The following KCNE3 variants were observed in gnomAD, a reference collection of about 807,000 sequenced individuals.
KCNE3 encodes potassium voltage-gated channel subfamily E regulatory subunit 3, also known as potassium voltage-gated channel subfamily E member 3.
A neutral mutation model predicts 4.3 loss-of-function variants in KCNE3; 2 were observed. That is an observed-to-expected ratio of 0.47 (90% CI 0.19 to 1.48). KCNE3 has a LOEUF of 1.48. KCNE3 is among the 40% of genes most tolerant of loss of function. KCNE3 has a pLI of 0.25. For synonymous variants in KCNE3, 47 were observed against 52.0 expected, an observed-to-expected ratio of 0.90 and a Z score of 0.41; for missense variants, 128 against 136.8, an observed-to-expected ratio of 0.94 and a Z score of 0.32.
At chr11:74,466,907 C>T (rs995338534) in intron 1 of KCNE3, among the ~76,000 whole-genome samples, 9 of 152,156 alleles carry the variant, frequency 5.9e-5, no homozygotes, top group Admixed American at 2.6e-4. Context: ...TTGGGAGTCA[C>T]CAGGTTTCCC....
intron 2 of KCNE3, among the ~76,000 whole-genome samples, chr11:74,461,292 TTGTGTGTGTGTGTGTGTG>T (rs4018948): frequency 2.0e-5 from 3 of 148,376 alleles, no homozygotes; most frequent in Non-Finnish European, 4.5e-5. Context: ...TTTTTATGTT[TTGTGTGTGTGTGTGTGTG>T]TGTGTGTGTG....
rs1863836024 is a variant in KCNE3 at position 74,457,160 on chromosome 11, A to G, written c.*92T>C. On this transcript the variant is annotated 3_prime_UTR_variant, in exon 3 of 3. Transcript: ENST00000310128. The stretch of plus-strand genomic sequence containing the variant: ...TCTTGTTGATCTTACAGATAGGGAC[A>G]CTGAGACCTGATGCAGTCCACAGCA... 2 of 1,219,410 alleles carry G rather than the reference A, an allele frequency of 1.6e-6. No homozygotes were observed. Among genetic ancestry groups the G allele is most frequent in the Non-Finnish European group, 2.4e-6 (2 of 843,132 alleles). 75.5% of individuals were successfully genotyped at this position (1,219,410 alleles called of 1,614,324 possible).
Position 74,457,432 on chromosome 11 carries a change from T to G in KCNE3, c.132A>C (p.Glu44Asp). ...GPGLGPDNQT[E>D]ERRASLPGRD... ...GGCCAGGTAGGCTGGCCCGCCTCTC[T>G]TCAGTCTGGTTGTCTGGCCCCAGCC... The change falls in exon 3 of 3, where the codon GAA (glutamate) becomes GAC (aspartate). Residue 44 changes from glutamate to aspartate, a missense_variant. Glu to Asp is a conservative substitution (Grantham distance 45). Coordinates refer to ENST00000310128, the MANE Select transcript of KCNE3 (RefSeq NM_005472.5). 1 of 1,613,948 alleles carries G rather than the reference T, an allele frequency of 6.2e-7. No individual in the cohort carries two copies. The highest frequency in any genetic ancestry group is 8.5e-7 in the Non-Finnish European group (1 of 1,179,814).
chr11:74,465,660 A>C (rs1443853685), intron 1 of KCNE3, among the ~76,000 whole-genome samples: 2 of 152,024 alleles, frequency 1.3e-5, no homozygotes, highest in Non-Finnish European at 2.9e-5. Context: ...TGTTCCTTTC[A>C]TGATTCTAAT....
rs1863802115 is a variant in KCNE3 at position 74,456,011 on chromosome 11, C to T, written c.*1241G>A. On this transcript the variant is annotated 3_prime_UTR_variant, in exon 3 of 3. Coordinates refer to ENST00000310128, the MANE Select transcript of KCNE3 (RefSeq NM_005472.5). The stretch of plus-strand genomic sequence containing the variant: ...ATCAGTCTTTTAGAAGCAGATTCAA[C>T]ATGACATCAGAAAACTTCTCTCAGA... 1 of 150,896 alleles carries T rather than the reference C, an allele frequency of 6.6e-6. No individual in the cohort carries two copies. The highest frequency in any genetic ancestry group is 1.5e-5 in the Non-Finnish European group (1 of 67,742). The allele number at this position is 150,896 out of a possible 1,614,324, so 9.3% of individuals were successfully genotyped here. A position where few individuals can be genotyped will look rare whatever the true frequency, so the allele number is the denominator to read the frequency against.
intron 1 of KCNE3, chr11:74,464,455 G>A (rs1218308942): frequency 6.6e-6 from 1 of 152,338 alleles, no homozygotes; most frequent in African/African-American, 2.4e-5. Flanking sequence ...GTGGATTGGA[G>A]AGCTGGTGGA....
Position 74,455,060 on chromosome 11 carries a change from T to G in KCNE3, c.*2192A>C, listed in dbSNP as rs1863778759. On this transcript the variant is annotated 3_prime_UTR_variant, in exon 3 of 3. Coordinates refer to ENST00000310128, the MANE Select transcript of KCNE3 (RefSeq NM_005472.5). The stretch of plus-strand genomic sequence containing the variant: ...ATATGGCAGCAAATGTGTTCCATGA[T>G]CCTCCATTCAAGAACCCAAAGGCTT... 6.6e-6 allele frequency: 1 copy of G among 152,216 alleles called. No individual in the cohort carries two copies. Among genetic ancestry groups the G allele is most frequent in the African/African-American group, 2.4e-5 (1 of 41,452 alleles). The allele number at this position is 152,216 out of a possible 1,614,324, so 9.4% of individuals were successfully genotyped here.
At chr11:74,463,539 CT>C (rs1222271616) in intron 1 of KCNE3, among the ~76,000 whole-genome samples, 1 of 152,098 alleles carries the variant, frequency 6.6e-6, no homozygotes, top group African/African-American at 2.4e-5. Flanking sequence ...AGGAGAGTCC[CT>C]GATTACTGAG....
chr11:74,460,634 G>C (rs911069372), intron 2 of KCNE3, among the ~76,000 whole-genome samples: 2 of 152,204 alleles, frequency 1.3e-5, no homozygotes, highest in African/African-American at 2.4e-5. Context: ...AGAATGGAAA[G>C]TAGCATAAAG....
At chr11:74,458,258 CCTTT>C (rs1863868884) in intron 2 of KCNE3, among the ~76,000 whole-genome samples, 1 of 152,198 alleles carries the variant, frequency 6.6e-6, no homozygotes, top group Non-Finnish European at 1.5e-5. Flanking sequence ...ATTAATCTCT[CCTTT>C]CTTTGGTTTC....
In KCNE3 at chr11:74,456,179, T is replaced by TATATATATATATATAA. The variant is rs1340077987; in HGVS notation, c.*1072_*1073insTTATATATATATATAT. 9 of 124,508 alleles carry TATATATATATATATAA rather than the reference T, an allele frequency of 7.2e-5. No individual in the cohort carries two copies. In the East Asian group the frequency reaches 2.6e-3, roughly 36 times the overall value. The allele number at this position is 124,508 out of a possible 1,614,324, so 7.7% of individuals were successfully genotyped here. On this transcript the variant is annotated 3_prime_UTR_variant, in exon 3 of 3. Transcript: ENST00000310128. ...AAATATATATATATATATATATATA[T>TATATATATATATATAA]AAATTAACTGGGTGTGGTGACAGGA...
Position 74,467,183 on chromosome 11 carries a change from C to T in KCNE3, c.-190+215G>A, listed in dbSNP as rs1342946656. Among the ~76,000 whole-genome samples the T allele has an allele frequency of 6.6e-6, 1 of 152,158 alleles. No individual in the cohort carries two copies. Among genetic ancestry groups the T allele is most frequent in the Non-Finnish European group, 1.5e-5 (1 of 68,030 alleles). On this transcript the variant is annotated intron_variant, in intron 1 of 2. Coordinates refer to ENST00000310128, the MANE Select transcript of KCNE3 (RefSeq NM_005472.5). This position sits in a 1 kb window ranked among gnomAD's most constrained non-coding sequence, Gnocchi z 4.4. ...GGGGCGCGCAGAGCCCAGCTCCCTA[C>T]TCCCACATGCTGCTCCACGATCACT...
rs190033907 is a variant in KCNE3 at position 74,457,692 on chromosome 11, C to T, written c.-40-89G>A. ...CTTCAGATCCCAGGTAAAATCTTAGCATCATGGCTGATATGGTTTGGCTGT... is the reference window on the plus strand; with the variant it reads ...CTTCAGATCCCAGGTAAAATCTTAGTATCATGGCTGATATGGTTTGGCTGT... On this transcript the variant is annotated intron_variant, in intron 2 of 2. Coordinates refer to ENST00000310128, the MANE Select transcript of KCNE3 (RefSeq NM_005472.5). 97 of 846,550 alleles carry T rather than the reference C, an allele frequency of 1.1e-4. 1 individual carries two copies. The Middle Eastern group carries it at 2.3e-3, about 20-fold the overall frequency. 52.4% of individuals were successfully genotyped at this position (846,550 alleles called of 1,614,324 possible).
chr11:74,457,321 G>A lies in KCNE3; in HGVS notation c.243C>T (p.Arg81=). 3 of 1,614,232 alleles carry A rather than the reference G, an allele frequency of 1.9e-6. No individual in the cohort carries two copies. Among genetic ancestry groups the A allele is most frequent in the Non-Finnish European group, 2.5e-6 (3 of 1,180,034 alleles). ...TVGSLILGYT[R]SRKVDKRSDP... ...CACTACGCTTGTCCACTTTGCGGGA[G>A]CGGGTGTATCCCAGGATGAGGCTGC... The change falls in exon 3 of 3, where the codon CGC becomes CGT. Residue 81 remains arginine (R), a synonymous_variant. Coordinates refer to ENST00000310128, the MANE Select transcript of KCNE3 (RefSeq NM_005472.5).
In KCNE3 at chr11:74,456,019, C is replaced by A. The variant is rs1275034339; in HGVS notation, c.*1233G>T. ...TTTAGAAGCAGATTCAACATGACAT[C>A]AGAAAACTTCTCTCAGATAGTCGTG... On this transcript the variant is annotated 3_prime_UTR_variant, in exon 3 of 3. Coordinates refer to ENST00000310128, the MANE Select transcript of KCNE3 (RefSeq NM_005472.5). The A allele has an allele frequency of 6.6e-6, 1 of 150,860 alleles. No individual in the cohort carries two copies. The highest frequency in any genetic ancestry group is 2.4e-5 in the African/African-American group (1 of 41,196). The allele number at this position is 150,860 out of a possible 1,614,324, so 9.3% of individuals were successfully genotyped here. A position where few individuals can be genotyped will look rare whatever the true frequency, so the allele number is the denominator to read the frequency against.
In KCNE3 at chr11:74,457,205, C is replaced by A; in HGVS notation, c.*47G>T. 6.4e-7 allele frequency: 1 copy of A among 1,572,764 alleles called. No homozygotes were observed. The highest frequency in any genetic ancestry group is 1.7e-4 in the Middle Eastern group (1 of 5,992). Reference sequence around the variant, plus strand: ...ACAGCAGAGTTCTGGAGGCCCCAGACGCAATCCCCAGGTGTCTTGGTCTTC... The same window carrying A: ...ACAGCAGAGTTCTGGAGGCCCCAGAAGCAATCCCCAGGTGTCTTGGTCTTC... On this transcript the variant is annotated 3_prime_UTR_variant, in exon 3 of 3. Transcript: ENST00000310128.
intron 2 of KCNE3, among the ~76,000 whole-genome samples, chr11:74,460,866 G>A (rs142754669): frequency 7.5e-4 from 115 of 152,330 alleles, no homozygotes; most frequent in Admixed American, 1.6e-3. Context: ...AGCTGGAATT[G>A]AGGCAGTGAG....
At chr11:74,461,378 C>T (rs549095825) in intron 2 of KCNE3, among the ~76,000 whole-genome samples, 1 of 151,932 alleles carries the variant, frequency 6.6e-6, no homozygotes, top group South Asian at 2.1e-4. Context: ...CTCCTTTAAT[C>T]CCGGTACTTT....
rs1863851695 is a variant in KCNE3 at position 74,457,547 on chromosome 11, C to T, written c.17G>A (p.Gly6Glu). 3.1e-6 allele frequency: 5 copies of T among 1,613,982 alleles called. No individual in the cohort carries two copies. The highest frequency in any genetic ancestry group is 4.2e-6 in the Non-Finnish European group (5 of 1,180,022). Residue 6 changes from glycine to glutamate, a missense_variant, in exon 3 of 3, where the codon GGA (glycine) becomes GAA (glutamate). Transcript: ENST00000310128. ...CAGGCTCTCATACCAGGTCTCCGTT[C>T]CATTGGTAGTCTCCATAGCAACAGG... The part of the protein sequence containing the change: METTN[G>E]TETWYESLHA...
Sources: gnomAD v4.1 joint callset for allele counts (sites outside exome capture counted in the v4.1 genomes callset) on GRCh38, gnomAD v4.1.1 for gene constraint, Gnocchi (gnomAD v3.1) non-coding constraint, MANE v1.5 for transcripts, NCBI Gene and HGNC (gene_info 2026-07-23, HGNC 2026-07-21) for gene names.